Variants in MTTP observed in about 807,000 individuals in gnomAD.
MTTP encodes the protein microsomal triglyceride transfer protein, also known as microsomal triglyceride transfer protein large subunit.
In MTTP, 49 loss-of-function variants were observed where a neutral mutation model predicts 90.6. The ratio of observed to expected loss-of-function variants is 0.54; its 90% CI spans 0.43 to 0.69. The LOEUF (loss-of-function observed/expected upper bound fraction) is 0.69, where lower values mean the gene tolerates loss of function less well. Ranked by LOEUF, MTTP falls within the 30% of genes least tolerant of loss-of-function variation. The pLI is 0.00. For missense variants in MTTP, 945 were observed against 1,067.5 expected, an observed-to-expected ratio of 0.89 and a Z score of 1.60; for synonymous variants, 347 against 384.2, an observed-to-expected ratio of 0.90 and a Z score of 1.13.
At chr4:99,576,675 A>G (rs982189228) in intron 1 of MTTP, among the ~76,000 whole-genome samples, 7 of 140,126 alleles carry the variant, frequency 5.0e-5, no homozygotes, top group African/African-American at 1.9e-4. Flanking sequence ...AGCCTGGGCG[A>G]CAGAGCGAGA....
In MTTP at chr4:99,621,055, G is replaced by A; in HGVS notation, c.2343-6G>A. ...CAAGTTTTTTCTTTTTTTCTCAAAT[G>A]TTTAGGGTGACTGTGGTAATAACCA... is the stretch of plus-strand genomic sequence containing the variant. On this transcript the variant is annotated splice_polypyrimidine_tract_variant and splice_region_variant and intron_variant, in intron 16 of 17. Transcript: ENST00000265517. The A allele has an allele frequency of 6.2e-7, 1 of 1,613,724 alleles. No homozygotes were observed. The highest frequency in any genetic ancestry group is 8.5e-7 in the Non-Finnish European group (1 of 1,179,818).
chr4:99,613,252 TCATATTC>T lies in MTTP; in HGVS notation c.2217+115_2217+121del, dbSNP rs2110233434. On this transcript the variant is annotated intron_variant, in intron 15 of 17. Coordinates refer to ENST00000265517, the MANE Select transcript of MTTP (RefSeq NM_001386140.1). ...GACAAAATTGTGCCCATCTTGGAGCTCATATTCCAAGCACTTGGCCCTCTTGGTATTG... is the reference window on the plus strand; with the variant it reads ...GACAAAATTGTGCCCATCTTGGAGCTCAAGCACTTGGCCCTCTTGGTATTG... The T allele has an allele frequency of 3.2e-6, 3 of 937,116 alleles. No homozygotes were observed. In the South Asian group the frequency reaches 4.2e-5, roughly 13 times the overall value. The allele number at this position is 937,116 out of a possible 1,614,324, so 58.1% of individuals were successfully genotyped here.
intron 11 of MTTP, among the ~76,000 whole-genome samples, chr4:99,607,698 G>T (rs1725849886): frequency 6.6e-6 from 1 of 152,178 alleles, no homozygotes; most frequent in Non-Finnish European, 1.5e-5. Context: ...AATCAATGAA[G>T]TTACTTGTTG....
At chr4:99,571,744 T>TA (rs1162180135), upstream of MTTP, among the ~76,000 whole-genome samples, 1 of 151,866 alleles carries the variant, frequency 6.6e-6, no homozygotes, top group African/African-American at 2.4e-5. Flanking sequence ...TGCCTTGGAA[T>TA]AAAAAAAGTC....
In MTTP at chr4:99,583,510, A is replaced by G; in HGVS notation, c.386A>G (p.His129Arg). ...AGACCTACGCTCCTTCATCTAATCC[A>G]TGGAAAGGTAAAGGGGCGTTTAGAT... Reference protein sequence around the residue: ...LQRPTLLHLIHGKVKEFYSYQ... With the variant: ...LQRPTLLHLIRGKVKEFYSYQ... Residue 129 changes from histidine (H) to arginine (R), a missense_variant, in exon 3 of 18, where the codon CAT becomes CGT. Transcript: ENST00000265517. The G allele has an allele frequency of 1.2e-6, 2 of 1,613,540 alleles. No homozygotes were observed. Among genetic ancestry groups the G allele is most frequent in the Non-Finnish European group, 1.7e-6 (2 of 1,179,786 alleles).
At chr4:99,615,918 T>C (rs1726087688) in intron 15 of MTTP, among the ~76,000 whole-genome samples, 7 of 152,202 alleles carry the variant, frequency 4.6e-5, no homozygotes, top group Admixed American at 4.6e-4. Context: ...AATAACTTTT[T>C]CCTCTAGTTC....
intron 11 of MTTP, among the ~76,000 whole-genome samples, chr4:99,608,558 G>A (rs1036365541): frequency 6.6e-6 from 1 of 152,190 alleles, no homozygotes; most frequent in Non-Finnish European, 1.5e-5. Flanking sequence ...AGCTCTTAAC[G>A]GCCTCAGCCT....
rs539424326 is a variant in MTTP at position 99,594,757 on chromosome 4, C to T, written c.783C>T (p.Thr261=). ...VSKQKLELKT[T]EAGPRLMSGK... ...GGCAGAAATTAGAGCTGAAGACAAC[C>T]GAAGCAGGCCCAAGATTGATGTCTG... is the stretch of plus-strand genomic sequence containing the variant. The change falls in exon 7 of 18, where the codon ACC becomes ACT. Residue 261 remains threonine, a synonymous_variant. Coordinates refer to ENST00000265517, the MANE Select transcript of MTTP (RefSeq NM_001386140.1). The T allele has an allele frequency of 2.8e-5, 45 of 1,613,920 alleles. No individual in the cohort carries two copies. The highest frequency in any genetic ancestry group is 2.5e-4 in the East Asian group (11 of 44,862).
At position 99,613,062 on chromosome 4, in the gene MTTP, G is replaced by C. The variant is rs1489378325; in HGVS notation, c.2139G>C (p.Leu713Phe). 3.7e-6 allele frequency: 6 copies of C among 1,614,048 alleles called. No homozygotes were observed. In the South Asian group the frequency reaches 5.5e-5, roughly 15 times the overall value. ...PVTFFNGYSD[L>F]MSKMLSASGD... ...CCTTTTTCAACGGATACAGTGATTT[G>C]ATGTCCAAAATGCTGTCAGCATCTG... Residue 713 changes from leucine (L) to phenylalanine (F), a missense_variant, in exon 15 of 18, where the codon TTG becomes TTC. By Grantham distance (22) the Leu-to-Phe change is conservative. Coordinates refer to ENST00000265517, the MANE Select transcript of MTTP (RefSeq NM_001386140.1).
chr4:99,602,992 C>A (rs111303866), intron 10 of MTTP, among the ~76,000 whole-genome samples: 12,334 of 152,126 alleles, frequency 0.081, 539 homozygotes, highest in Middle Eastern at 0.099. Flanking sequence ...GAAGATGCAG[C>A]AACGTTTTCT....
intron 14 of MTTP, 79 bp downstream of exon 14, chr4:99,611,532 G>A: frequency 6.5e-7 from 1 of 1,543,270 alleles, no homozygotes; most frequent in African/African-American, 1.4e-5. Flanking sequence ...TATATGCTGT[G>A]GGTAATGCTA....
chr4:99,605,907 T>C (rs1826273), intron 10 of MTTP, among the ~76,000 whole-genome samples: 1 of 112,136 alleles, frequency 8.9e-6, no homozygotes, highest in African/African-American at 4.7e-5. Context: ...GTCTGTGTGT[T>C]TGTGTGTGCT....
At chr4:99,600,916 G>A (rs1725681042) in intron 9 of MTTP, among the ~76,000 whole-genome samples, 183 bp downstream of exon 9, 1 of 152,020 alleles carries the variant, frequency 6.6e-6, no homozygotes, top group African/African-American at 2.4e-5. Context: ...ATTTCAGTTA[G>A]TGCCTTTTTC....
chr4:99,572,414 G>T (rs1724859681), upstream of MTTP, among the ~76,000 whole-genome samples: 1 of 151,868 alleles, frequency 6.6e-6, no homozygotes, highest in Admixed American at 6.6e-5. Flanking sequence ...TCATCTGTAA[G>T]AAATCAATTT....
chr4:99,582,846 G>A (rs1246225765), intron 2 of MTTP, among the ~76,000 whole-genome samples: 1 of 152,068 alleles, frequency 6.6e-6, no homozygotes, highest in African/African-American at 2.4e-5. Flanking sequence ...GCTTCTTTGG[G>A]TGTCTCTAAT....
chr4:99,583,764 T>TGC, intron 3 of MTTP: 1 of 584,610 alleles, frequency 1.7e-6, no homozygotes, highest in Non-Finnish European at 3.0e-6. Flanking sequence ...ATGAAGTATT[T>TGC]ATTTATTGAT....
chr4:99,609,125 AT>A, intron 12 of MTTP, 148 bp downstream of exon 12: 1 of 769,264 alleles, frequency 1.3e-6, no homozygotes, highest in Non-Finnish European at 2.2e-6. Flanking sequence ...TAATAGGGCT[AT>A]TTAGGGGGCC....
rs756155398 is a variant in MTTP at position 99,606,794 on chromosome 4, C to A, written c.1391C>A (p.Ala464Glu). 25 of 1,613,762 alleles carry A rather than the reference C, an allele frequency of 1.5e-5. No homozygotes were observed. In the South Asian group the frequency reaches 2.1e-4, roughly 13 times the overall value. Residue 464 changes from alanine to glutamate, a missense_variant, in exon 11 of 18, where the codon GCA becomes GAA. Physicochemically the swap from Ala to Glu is moderately radical, Grantham distance 107. Transcript: ENST00000265517. ...TTAATCCTGGGAGGACTTGAAAAAGCAGAGAAAAAAGAGGACACCAGGATG... is the reference window on the plus strand; with the variant it reads ...TTAATCCTGGGAGGACTTGAAAAAGAAGAGAAAAAAGAGGACACCAGGATG... Reference protein sequence around the residue: ...KKLILGGLEKAEKKEDTRMYL... With the variant: ...KKLILGGLEKEEKKEDTRMYL...
chr4:99,579,392 T>G (rs1460401549), intron 1 of MTTP, among the ~76,000 whole-genome samples: 1 of 152,162 alleles, frequency 6.6e-6, no homozygotes, highest in Non-Finnish European at 1.5e-5. Flanking sequence ...TCTTCCTCCA[T>G]TACACCTGCA....
Sources: allele counts gnomAD v4.1 joint callset (sites outside exome capture counted in the v4.1 genomes callset), GRCh38; gene constraint gnomAD v4.1.1; transcripts MANE v1.5; gene names NCBI Gene and HGNC (gene_info 2026-07-23, HGNC 2026-07-21).